Variants in ARHGAP39 observed in about 807,000 individuals in gnomAD.
ARHGAP39 encodes the protein rho GTPase-activating protein 39.
ARHGAP39 carries 44 observed loss-of-function variants against 106.9 expected under a neutral mutation model. The ratio of observed to expected loss-of-function variants is 0.41; its 90% CI spans 0.32 to 0.53. The LOEUF is 0.53. Ranked by LOEUF, ARHGAP39 falls within the 20% of genes least tolerant of loss-of-function variation. The pLI is 0.21. For missense variants in ARHGAP39, 1,496 were observed against 1,577.3 expected (o/e 0.95, Z 0.87); for synonymous variants, 768 against 693.2 (o/e 1.11, Z -1.69).
chr8:144,530,655 C>CGGGGGGG, intron 11 of ARHGAP39, 39 bp from the exon 12 acceptor site: 1 of 310,956 alleles, frequency 3.2e-6, no homozygotes, highest in Admixed American at 2.6e-4. Context: ...GGGGCGGGGG[C>CGGGGGGG]GGGGCGGGGA....
At chr8:144,567,980 C>A (rs1818461957) in intron 3 of ARHGAP39, among the ~76,000 whole-genome samples, 1 of 152,080 alleles carries the variant, frequency 6.6e-6, no homozygotes, top group African/African-American at 2.4e-5. Context: ...TCTTTTATCT[C>A]TTTGTCTTGT....
intron 1 of ARHGAP39, among the ~76,000 whole-genome samples, chr8:144,680,490 C>CT (rs1822380153): frequency 6.6e-6 from 1 of 152,098 alleles, no homozygotes; most frequent in African/African-American, 2.4e-5. Flanking sequence ...GTCTGGAGTA[C>CT]GGGTTAGGCC....
Position 144,547,630 on chromosome 8 carries a change from C to T in ARHGAP39, c.1456G>A (p.Gly486Ser). 1.3e-6 allele frequency: 2 copies of T among 1,518,126 alleles called. No individual in the cohort carries two copies. The highest frequency in any genetic ancestry group is 1.8e-6 in the Non-Finnish European group (2 of 1,134,462). The allele number at this position is 1,518,126 out of a possible 1,614,324, so 94.0% of individuals were successfully genotyped here. The change falls in exon 5 of 12, where the codon GGC becomes AGC. Residue 486 changes from glycine to serine, a missense_variant. Coordinates refer to ENST00000377307, the MANE Select transcript of ARHGAP39 (RefSeq NM_025251.3). The surrounding 1 kb of genome is among the most constrained non-coding windows in gnomAD (Gnocchi z 5.2). The part of the protein sequence containing the change: ...SSQQDTLSST[G>S]YSPGTRKRKS... Reference sequence around the variant, plus strand: ...CGCTTGCGCGTGCCCGGGGAGTAGCCTGTGGAGGACAGGGTGTCCTGCTGG... The same window carrying T: ...CGCTTGCGCGTGCCCGGGGAGTAGCTTGTGGAGGACAGGGTGTCCTGCTGG...
intron 1 of ARHGAP39, among the ~76,000 whole-genome samples, chr8:144,629,312 G>A (rs559722914): frequency 1.7e-4 from 26 of 152,336 alleles, no homozygotes; most frequent in African/African-American, 6.0e-4. Flanking sequence ...CAGACCCGCA[G>A]GCTCTAGCGG....
At chr8:144,651,079 C>G (rs1206197026) in intron 1 of ARHGAP39, among the ~76,000 whole-genome samples, 1 of 151,980 alleles carries the variant, frequency 6.6e-6, no homozygotes, top group Non-Finnish European at 1.5e-5. Context: ...AATCAATGTC[C>G]AAAAAATCAC....
intron 3 of ARHGAP39, among the ~76,000 whole-genome samples, chr8:144,565,042 A>G (rs1818342209): frequency 6.6e-6 from 1 of 151,922 alleles, no homozygotes; most frequent in South Asian, 2.1e-4. Flanking sequence ...CCCGGGAGGC[A>G]GAGGTTGCCG....
At chr8:144,592,924 T>A (rs1437563726) in intron 2 of ARHGAP39, among the ~76,000 whole-genome samples, 1 of 152,140 alleles carries the variant, frequency 6.6e-6, no homozygotes, top group Non-Finnish European at 1.5e-5. Flanking sequence ...AACTCGCGCC[T>A]CGGCCCTCCA....
chr8:144,594,707 A>AG (rs1441567184), intron 2 of ARHGAP39, among the ~76,000 whole-genome samples: 1 of 151,814 alleles, frequency 6.6e-6, no homozygotes, highest in African/African-American at 2.4e-5. Context: ...AAAAAAAAAA[A>AG]AAAGGTTAAA....
rs147769087 is a variant in ARHGAP39 at position 144,682,541 on chromosome 8, T to A, written c.-82+3145A>T. 0.017 allele frequency among the ~76,000 whole-genome samples: 2,234 copies of A among 133,122 alleles called. 187 individuals are homozygous for A. The East Asian group carries it at 0.25, about 15-fold the overall frequency. 87.3% of individuals were successfully genotyped at this position (133,122 alleles called of 152,430 possible). ...TCCAGCCTGGGCAACAGAGCAAGAC[T>A]CTGTCTCAAAAAAAAAAAAAAAAAA... On this transcript the variant is annotated intron_variant, in intron 1 of 11. Coordinates refer to ENST00000377307, the MANE Select transcript of ARHGAP39 (RefSeq NM_025251.3).
chr8:144,697,056 G>A, the ARHGAP39 span, among the ~76,000 whole-genome samples: 1 of 152,128 alleles, frequency 6.6e-6, no homozygotes, highest in Non-Finnish European at 1.5e-5. Context: ...CGGGCGCGGT[G>A]GCTCATGCCT....
At chr8:144,579,877 C>T (rs981578996) in intron 3 of ARHGAP39, among the ~76,000 whole-genome samples, 3 of 152,150 alleles carry the variant, frequency 2.0e-5, no homozygotes, top group Admixed American at 6.5e-5. Flanking sequence ...TCCAGCCTCT[C>T]CTCCATCCTC....
chr8:144,579,791 T>TCCCCTGGCAACCTCAGCC (rs1563684495), intron 3 of ARHGAP39, among the ~76,000 whole-genome samples: 2 of 151,914 alleles, frequency 1.3e-5, no homozygotes, highest in East Asian at 3.9e-4. Flanking sequence ...GGGCCTCAGC[T>TCCCCTGGCAACCTCAGCC]CCCCTGGCAA....
At chr8:144,588,066 C>A (rs1169058017) in intron 2 of ARHGAP39, among the ~76,000 whole-genome samples, 2 of 152,234 alleles carry the variant, frequency 1.3e-5, no homozygotes, top group East Asian at 3.8e-4. Flanking sequence ...TGGTCCCAGC[C>A]CCACGGAAAC....
At chr8:144,618,804 G>A (rs1308780484) in intron 1 of ARHGAP39, among the ~76,000 whole-genome samples, 2 of 152,232 alleles carry the variant, frequency 1.3e-5, no homozygotes, top group Admixed American at 6.5e-5. Context: ...CCCAGCCCCC[G>A]GCACTGCCTA....
intron 1 of ARHGAP39, among the ~76,000 whole-genome samples, chr8:144,673,762 C>T (rs1009051047): frequency 2.6e-5 from 4 of 152,230 alleles, no homozygotes; most frequent in African/African-American, 4.8e-5. Flanking sequence ...CTCACACTAC[C>T]GGCCCAGATC....
intron 4 of ARHGAP39, among the ~76,000 whole-genome samples, chr8:144,554,641 G>A (rs1271725735): frequency 3.3e-5 from 5 of 152,128 alleles, no homozygotes; most frequent in African/African-American, 7.2e-5. Context: ...CTTCCACTAC[G>A]AGCTCTGTCA....
intron 6 of ARHGAP39, among the ~76,000 whole-genome samples, chr8:144,538,290 T>A (rs1443648485): frequency 6.6e-6 from 1 of 152,222 alleles, no homozygotes; most frequent in Non-Finnish European, 1.5e-5. Context: ...TGGGTCTGCC[T>A]CCCGCTCTGC....
At chr8:144,643,377 C>T (rs1821360006) in intron 1 of ARHGAP39, among the ~76,000 whole-genome samples, 1 of 152,042 alleles carries the variant, frequency 6.6e-6, no homozygotes, top group Non-Finnish European at 1.5e-5. Flanking sequence ...TGCTTGAGCC[C>T]GGGAGGCAGA....
intron 3 of ARHGAP39, among the ~76,000 whole-genome samples, chr8:144,563,798 T>A (rs993667537): frequency 2.4e-4 from 35 of 148,462 alleles, no homozygotes; most frequent in South Asian, 6.3e-4. Context: ...CTAAAAAAAA[T>A]AATAATAAAA....
Sources: allele counts gnomAD v4.1 joint callset (sites outside exome capture counted in the v4.1 genomes callset), GRCh38; gene constraint gnomAD v4.1.1; non-coding constraint Gnocchi (gnomAD v3.1); transcripts MANE v1.5; gene names NCBI Gene and HGNC (gene_info 2026-07-23, HGNC 2026-07-21).